The following ANKRD6 variants were observed in gnomAD, a reference collection of about 807,000 sequenced individuals.
ANKRD6 encodes the protein ankyrin repeat domain 6, also known as ankyrin repeat domain-containing protein 6.
In ANKRD6, 56 loss-of-function variants were observed where a neutral mutation model predicts 82.3. That is an observed-to-expected ratio of 0.68 (90% CI 0.55 to 0.85). The LOEUF is 0.85. ANKRD6 is among the 40% of genes least tolerant of loss of function. The pLI, the probability that ANKRD6 is intolerant of heterozygous loss-of-function variation, is 0.00. For synonymous variants in ANKRD6, 347 were observed against 352.1 expected (o/e 0.99, Z 0.16); for missense variants, 852 against 907.6 (o/e 0.94, Z 0.79).
rs371879945 is a variant in ANKRD6, at chr6:89,603,117, G to A, written c.308G>A (p.Arg103Lys). 87 of 1,602,430 alleles carry A rather than the reference G, an allele frequency of 5.4e-5. No homozygotes were observed. Among genetic ancestry groups the A allele is most frequent in the Non-Finnish European group, 6.9e-5 (81 of 1,175,052 alleles). Residue 103 changes from arginine to lysine, a missense_variant, in exon 4 of 16, where the codon AGA becomes AAA. Transcript: ENST00000339746. The stretch of plus-strand genomic sequence containing the variant: ...ATCCACGAAGGGTGTGCCCTGGACA[G>A]ACAAGACAAGGTGAGTGGACACTGA... ...ALIHEGCALD[R>K]QDKDGNTALH...
At chr6:89,589,285 G>A (rs186568055) in intron 2 of ANKRD6, among the ~76,000 whole-genome samples, 120 of 152,306 alleles carry the variant, frequency 7.9e-4, no homozygotes, top group Admixed American at 6.9e-3. Flanking sequence ...GTCAGTGACA[G>A]GGGCAGTTGA....
At chr6:89,495,200 G>T (rs535344231) in intron 1 of ANKRD6, among the ~76,000 whole-genome samples, 57 of 152,240 alleles carry the variant, frequency 3.7e-4, no homozygotes, top group African/African-American at 1.3e-3. Flanking sequence ...GCCACTGCAC[G>T]CCAGCCTGGG....
At chr6:89,608,368 C>CACACACACACACACTATATATATATATA in intron 5 of ANKRD6, among the ~76,000 whole-genome samples, 13 of 130,746 alleles carry the variant, frequency 9.9e-5, no homozygotes, top group African/African-American at 3.7e-4. Flanking sequence ...CACACACACA[C>CACACACACACACACTATATATATATATA]TATATATATA....
At chr6:89,552,158 A>G (rs1213154059) in intron 1 of ANKRD6, among the ~76,000 whole-genome samples, 1 of 152,260 alleles carries the variant, frequency 6.6e-6, no homozygotes, top group Non-Finnish European at 1.5e-5. Flanking sequence ...ATAATCAGAT[A>G]TAACCAGGAT....
At chr6:89,616,887 G>A (rs1801714830) in intron 8 of ANKRD6, 1 of 656,312 alleles carries the variant, frequency 1.5e-6, no homozygotes, top group Non-Finnish European at 2.8e-6. Flanking sequence ...CCTGACTGCA[G>A]TGAACACAAC....
chr6:89,492,333 T>G (rs1411299799), intron 1 of ANKRD6, among the ~76,000 whole-genome samples: 7 of 152,160 alleles, frequency 4.6e-5, no homozygotes, highest in African/African-American at 1.7e-4. Context: ...TTTGAGTAAT[T>G]CCTTGTTTGT....
chr6:89,552,508 T>C (rs1482184411), intron 1 of ANKRD6, among the ~76,000 whole-genome samples: 1 of 152,200 alleles, frequency 6.6e-6, no homozygotes, highest in African/African-American at 2.4e-5. Context: ...AATGAGGATT[T>C]GGGCAGCGCT....
chr6:89,475,945 C>T (rs1775981626), intron 1 of ANKRD6, among the ~76,000 whole-genome samples: 1 of 152,114 alleles, frequency 6.6e-6, no homozygotes, highest in African/African-American at 2.4e-5. Context: ...GTAGTGGATT[C>T]TTGGTATGGC....
At chr6:89,629,462 A>T (rs1806834704) in intron 15 of ANKRD6, 1 of 592,912 alleles carries the variant, frequency 1.7e-6, no homozygotes, top group Admixed American at 2.4e-5. Context: ...TGAATAAAGG[A>T]ATTAAAGAAT....
At position 89,623,613 on chromosome 6, in the gene ANKRD6, G is replaced by A. The variant is rs144796444; in HGVS notation, c.1032+69G>A. ...AGGGTGGCGAGGGTCCTGGCAGAGC[G>A]TCATGCCCATCAGCTAAAAAGCCAC... On this transcript the variant is annotated intron_variant, in intron 11 of 15. Transcript: ENST00000339746. The A allele has an allele frequency of 1.3e-4, 191 of 1,522,706 alleles. 1 individual carries two copies. The highest frequency in any genetic ancestry group is 4.9e-4 in the South Asian group (39 of 78,998). The allele number at this position is 1,522,706 out of a possible 1,614,324, so 94.3% of individuals were successfully genotyped here.
chr6:89,467,163 G>A (rs1461567588), intron 1 of ANKRD6, among the ~76,000 whole-genome samples: 5 of 151,312 alleles, frequency 3.3e-5, no homozygotes, highest in African/African-American at 4.9e-5. Context: ...GCAACATAGC[G>A]AGACCCTGTC....
chr6:89,606,650 G>A (rs1185456338), intron 5 of ANKRD6, among the ~76,000 whole-genome samples: 1 of 152,134 alleles, frequency 6.6e-6, no homozygotes, highest in African/African-American at 2.4e-5. Context: ...GAGGTCAAGG[G>A]TTTGAGACCA....
At chr6:89,527,824 T>G (rs1782688502) in intron 1 of ANKRD6, among the ~76,000 whole-genome samples, 1 of 152,006 alleles carries the variant, frequency 6.6e-6, no homozygotes, top group South Asian at 2.1e-4. Context: ...TTTTGTTTTG[T>G]TTTTTGACAG....
intron 1 of ANKRD6, among the ~76,000 whole-genome samples, chr6:89,461,343 G>T (rs1774109958): frequency 6.6e-6 from 1 of 152,158 alleles, no homozygotes; most frequent in African/African-American, 2.4e-5. Context: ...TCACATAAAG[G>T]CACATATGAT....
Position 89,498,514 on chromosome 6 carries a change from T to TTA in ANKRD6, c.-144+65151_-144+65152dup, listed in dbSNP as rs201744228. 9.1e-4 allele frequency among the ~76,000 whole-genome samples: 133 copies of TTA among 146,120 alleles called. 1 individual carries two copies. The highest frequency in any genetic ancestry group is 7.1e-3 in the Middle Eastern group (2 of 280). ...GTCTGTGCAGATAATAGATTTCCCT[T>TTA]TATATATATATATTTTTTTTTACCT... On this transcript the variant is annotated intron_variant, in intron 1 of 15. Transcript: ENST00000339746.
intron 1 of ANKRD6, among the ~76,000 whole-genome samples, chr6:89,545,765 C>T (rs960389095): frequency 2.6e-5 from 4 of 152,146 alleles, no homozygotes; most frequent in African/African-American, 9.7e-5. Flanking sequence ...CATTTACTGA[C>T]CATTATTAAA....
intron 1 of ANKRD6, among the ~76,000 whole-genome samples, chr6:89,558,965 G>A (rs1787013979): frequency 6.6e-6 from 1 of 152,126 alleles, no homozygotes; most frequent in African/African-American, 2.4e-5. Flanking sequence ...AACAGGGCAG[G>A]AAGAAAGAGA....
chr6:89,570,059 G>A (rs1250889653), intron 2 of ANKRD6, among the ~76,000 whole-genome samples: 30 of 88,424 alleles, frequency 3.4e-4, no homozygotes. Flanking sequence ...GTGTATGTGT[G>A]TATATGTGTG....
At position 89,527,174 on chromosome 6, in the gene ANKRD6, G is replaced by A. The variant is rs571027581; in HGVS notation, c.-143-39660G>A. Among the ~76,000 whole-genome samples the A allele has an allele frequency of 2.0e-3, 297 of 152,276 alleles. 1 individual carries two copies. Among genetic ancestry groups the A allele is most frequent in the African/African-American group, 6.8e-3 (281 of 41,564 alleles). On this transcript the variant is annotated intron_variant, in intron 1 of 15. Coordinates refer to ENST00000339746, the MANE Select transcript of ANKRD6 (RefSeq NM_001242809.2). ...CAGACCACGGCATTAAGCAAATATTGCAATAGAAGTAGTCACAGGCATTTT... is the reference window on the plus strand; with the variant it reads ...CAGACCACGGCATTAAGCAAATATTACAATAGAAGTAGTCACAGGCATTTT...
Sources: gnomAD v4.1 joint callset for allele counts (sites outside exome capture counted in the v4.1 genomes callset) on GRCh38, gnomAD v4.1.1 for gene constraint, MANE v1.5 for transcripts, NCBI Gene and HGNC (gene_info 2026-07-23, HGNC 2026-07-21) for gene names.